The following DOCK8 variants were observed in gnomAD, a reference collection of about 807,000 sequenced individuals.
DOCK8 encodes the protein dedicator of cytokinesis 8, also known as dedicator of cytokinesis protein 8.
DOCK8 carries 141 observed loss-of-function variants against 245.6 expected under a neutral mutation model. The observed-to-expected ratio is 0.57, with a 90% CI of 0.50 to 0.66. The LOEUF is 0.66. DOCK8 is among the 30% of genes least tolerant of loss of function. The pLI, the probability that DOCK8 is intolerant of heterozygous loss-of-function variation, is 0.00. For synonymous variants in DOCK8, 1,168 were observed against 970.2 expected (o/e 1.20, Z -3.79); for missense variants, 2,965 against 2,603.4 (o/e 1.14, Z -3.02).
chr9:289,656 C>G, intron 4 of DOCK8, 75 bp downstream of exon 4: 1 of 1,334,582 alleles, frequency 7.5e-7, no homozygotes, highest in Non-Finnish European at 1.0e-6. Context: ...TTTCTTAATA[C>G]TTTGAACAGT....
At chr9:300,778 C>T (rs1478712503) in intron 4 of DOCK8, among the ~76,000 whole-genome samples, 2 of 152,014 alleles carry the variant, frequency 1.3e-5, no homozygotes, top group African/African-American at 2.4e-5. Flanking sequence ...AACACACAAG[C>T]CCCCTAAAAT....
chr9:424,887 G>C (rs1469482457), intron 33 of DOCK8, among the ~76,000 whole-genome samples: 1 of 152,132 alleles, frequency 6.6e-6, no homozygotes, highest in Non-Finnish European at 1.5e-5. Context: ...CTCTAGATTT[G>C]TGCTGTCCAA....
At chr9:399,866 C>G (rs1053655374) in intron 26 of DOCK8, among the ~76,000 whole-genome samples, 34 of 151,912 alleles carry the variant, frequency 2.2e-4, no homozygotes, top group African/African-American at 8.2e-4. Context: ...GTTGCTGCTC[C>G]TCTCCTTCCA....
chr9:367,022 A>T (rs1157953875), intron 14 of DOCK8, among the ~76,000 whole-genome samples: 1 of 152,166 alleles, frequency 6.6e-6, no homozygotes, highest in East Asian at 1.9e-4. Context: ...TAGTTATATG[A>T]TATGGGGTGT....
At chr9:236,315 C>T (rs1201607753) in intron 1 of DOCK8, among the ~76,000 whole-genome samples, 1 of 152,194 alleles carries the variant, frequency 6.6e-6, no homozygotes, top group Non-Finnish European at 1.5e-5. Context: ...TCTAGAAGCT[C>T]ACAGAATTAC....
intron 1 of DOCK8, among the ~76,000 whole-genome samples, chr9:257,545 G>A (rs1372152128): frequency 1.3e-5 from 2 of 152,116 alleles, no homozygotes; most frequent in Non-Finnish European, 2.9e-5. Context: ...TTTTGAGACA[G>A]AGTCTCACTC....
intron 1 of DOCK8, among the ~76,000 whole-genome samples, chr9:221,185 C>G (rs1384502940): frequency 2.0e-5 from 3 of 152,046 alleles, no homozygotes; most frequent in Admixed American, 6.5e-5. Context: ...GCCTAGGGTA[C>G]AAGACATTAT....
intron 14 of DOCK8, among the ~76,000 whole-genome samples, chr9:362,616 C>T (rs372558611): frequency 6.6e-6 from 1 of 152,198 alleles, no homozygotes; most frequent in South Asian, 2.1e-4. Context: ...CTTTCCTTCT[C>T]TCCTGCTGGC....
At chr9:431,830 A>G (rs1317934286) in intron 36 of DOCK8, among the ~76,000 whole-genome samples, 1 of 152,162 alleles carries the variant, frequency 6.6e-6, no homozygotes, top group Non-Finnish European at 1.5e-5. Flanking sequence ...TAAAGTCCCA[A>G]GAAGAAACTC....
chr9:363,186 GA>G (rs1485397624), intron 14 of DOCK8, among the ~76,000 whole-genome samples: 7 of 152,122 alleles, frequency 4.6e-5, no homozygotes. Flanking sequence ...ATATGTGACT[GA>G]AAAAAACCAC....
rs768021224 is a variant in DOCK8, at chr9:443,451, G to A, written c.5515G>A (p.Ala1839Thr). Residue 1839 changes from alanine (A) to threonine (T), a missense_variant, in exon 43 of 48, where the codon GCA becomes ACA. Coordinates refer to ENST00000432829, the MANE Select transcript of DOCK8 (RefSeq NM_203447.4). ...GGCATTTTATGGTCAATGTTTTGGT[G>A]CAGAATTTGTGGAAGTGATTAAAGA... ...LEAFYGQCFG[A>T]EFVEVIKDST... The A allele has an allele frequency of 1.2e-6, 2 of 1,614,042 alleles. No individual in the cohort carries two copies. The highest frequency in any genetic ancestry group is 1.7e-6 in the Non-Finnish European group (2 of 1,179,990).
intron 7 of DOCK8, among the ~76,000 whole-genome samples, chr9:319,946 T>C (rs1024010269): frequency 2.0e-5 from 3 of 152,264 alleles, no homozygotes; most frequent in African/African-American, 7.2e-5. Flanking sequence ...AGGCAGTTTC[T>C]TTTAAATGCA....
intron 27 of DOCK8, among the ~76,000 whole-genome samples, chr9:406,507 A>G (rs1012801519): frequency 1.3e-5 from 2 of 149,834 alleles, no homozygotes; most frequent in African/African-American, 5.0e-5. Flanking sequence ...AAAAAAAAAA[A>G]AAAGAAGGTA....
intron 1 of DOCK8, among the ~76,000 whole-genome samples, chr9:216,693 G>T (rs535499601): frequency 6.6e-6 from 1 of 152,070 alleles, no homozygotes; most frequent in Non-Finnish European, 1.5e-5. Context: ...ACTGATGGGT[G>T]TATTATTTGC....
intron 43 of DOCK8, among the ~76,000 whole-genome samples, chr9:445,780 G>C (rs1383917992): frequency 6.6e-6 from 1 of 152,114 alleles, no homozygotes; most frequent in African/African-American, 2.4e-5. Context: ...TTTGTGTACA[G>C]GTTTTTGTAT....
chr9:224,730 T>C (rs1432195120), intron 1 of DOCK8, among the ~76,000 whole-genome samples: 1 of 152,142 alleles, frequency 6.6e-6, no homozygotes, highest in Non-Finnish European at 1.5e-5. Flanking sequence ...GGGTCTGTGG[T>C]TCCCCAGGAA....
Position 414,773 on chromosome 9 carries a change from T to TCA in DOCK8, c.3531-9_3531-8insCA, listed in dbSNP as rs1436612073. On this transcript the variant is annotated splice_polypyrimidine_tract_variant and intron_variant, in intron 28 of 47. Transcript: ENST00000432829. ...CCATAACCTCTTGATTCCTGTGTTG[T>TCA]GCCAACAGAATCAGCAAAGTACAAA... The TCA allele has an allele frequency of 6.2e-7, 1 of 1,614,096 alleles. No homozygotes were observed. Among genetic ancestry groups the TCA allele is most frequent in the Admixed American group, 1.7e-5 (1 of 60,002 alleles).
chr9:235,615 C>A (rs2047225705), intron 1 of DOCK8, among the ~76,000 whole-genome samples: 1 of 152,188 alleles, frequency 6.6e-6, no homozygotes, highest in Admixed American at 6.5e-5. Flanking sequence ...GGGCACCCCT[C>A]CCCAAGCCTC....
intron 5 of DOCK8, among the ~76,000 whole-genome samples, chr9:305,527 C>T (rs922375562): frequency 1.8e-4 from 28 of 152,124 alleles, no homozygotes; most frequent in Non-Finnish European, 2.2e-4. Context: ...CCTTGTGATC[C>T]GCCCGCCTCG....
Sources: gnomAD v4.1 joint callset for allele counts (sites outside exome capture counted in the v4.1 genomes callset) on GRCh38, gnomAD v4.1.1 for gene constraint, MANE v1.5 for transcripts, NCBI Gene and HGNC (gene_info 2026-07-23, HGNC 2026-07-21) for gene names.